The following NALF1 variants were observed in gnomAD, a reference collection of about 807,000 sequenced individuals.
NALF1 encodes family with sequence similarity 155 member A.
In NALF1, 3 loss-of-function variants were observed where a neutral mutation model predicts 48.4. That is an observed-to-expected ratio of 0.06 (90% CI 0.03 to 0.16). The LOEUF (loss-of-function observed/expected upper bound fraction) is 0.16, where lower values mean the gene tolerates loss of function less well. NALF1 is among the 10% of genes least tolerant of loss of function. NALF1 has a pLI of 1.00. For missense variants in NALF1, 526 were observed against 571.5 expected (o/e 0.92, Z 0.81); for synonymous variants, 262 against 245.7 (o/e 1.07, Z -0.62).
intron 2 of NALF1, among the ~76,000 whole-genome samples, chr13:107,200,443 C>T (rs1188348843): frequency 2.0e-5 from 3 of 152,118 alleles, no homozygotes; most frequent in Admixed American, 6.5e-5. Flanking sequence ...ATTAGGACTT[C>T]GAGCGAGGGG....
At chr13:107,587,318 C>A (rs1044259075) in intron 1 of NALF1, among the ~76,000 whole-genome samples, 3 of 152,038 alleles carry the variant, frequency 2.0e-5, no homozygotes, top group Non-Finnish European at 4.4e-5. Context: ...TGAGGCACTG[C>A]CAAAATCATA....
intron 1 of NALF1, among the ~76,000 whole-genome samples, chr13:107,720,148 A>G (rs1191558217): frequency 1.3e-5 from 2 of 152,188 alleles, no homozygotes; most frequent in Non-Finnish European, 2.9e-5. Context: ...CTTGCCACTC[A>G]TTAAACATGT....
At chr13:107,486,745 G>A (rs57174769) in intron 1 of NALF1, among the ~76,000 whole-genome samples, 35,315 of 151,998 alleles carry the variant, frequency 0.23, 4,327 homozygotes, top group East Asian at 0.3. Flanking sequence ...AATGAGTGTG[G>A]CCTCTCTTTG....
intron 1 of NALF1, among the ~76,000 whole-genome samples, chr13:107,604,791 C>T (rs567611241): frequency 2.0e-5 from 3 of 152,160 alleles, no homozygotes; most frequent in South Asian, 2.1e-4. Flanking sequence ...GAAGCTGTGC[C>T]GCAGCCTCAA....
chr13:107,272,230 C>T (rs1479369730), intron 1 of NALF1, among the ~76,000 whole-genome samples: 3 of 8,720 alleles, frequency 3.4e-4, no homozygotes, highest in East Asian at 4.1e-3. Context: ...TTTTTTGAGA[C>T]GGAGTCTCGC....
chr13:107,819,515 GA>G (rs912701705), intron 1 of NALF1, among the ~76,000 whole-genome samples: 5 of 152,136 alleles, frequency 3.3e-5, no homozygotes, highest in Admixed American at 2.0e-4. Context: ...TTGGCCAAAT[GA>G]ATCTTCCACA....
intron 1 of NALF1, among the ~76,000 whole-genome samples, chr13:107,797,064 G>T (rs547212180): frequency 6.6e-6 from 1 of 152,250 alleles, no homozygotes; most frequent in East Asian, 1.9e-4. Context: ...AAAGATCATG[G>T]CCACCAAAAA....
At chr13:107,594,789 A>G (rs1471981189) in intron 1 of NALF1, among the ~76,000 whole-genome samples, 3 of 152,090 alleles carry the variant, frequency 2.0e-5, no homozygotes, top group Non-Finnish European at 4.4e-5. Context: ...TTTTAGAAGG[A>G]TATGTTGAAA....
chr13:107,455,365 T>TA (rs61617320), intron 1 of NALF1, among the ~76,000 whole-genome samples: 1,959 of 151,550 alleles, frequency 0.013, 46 homozygotes, highest in East Asian at 0.11. Flanking sequence ...TTTTGCCTTT[T>TA]AAAAAAAAAT....
chr13:107,834,859 G>T (rs1026104636), intron 1 of NALF1, among the ~76,000 whole-genome samples: 2 of 152,130 alleles, frequency 1.3e-5, no homozygotes, highest in Admixed American at 6.5e-5. Flanking sequence ...CCTCAGAAAG[G>T]TTCCTAAGGA....
chr13:107,231,146 C>T (rs1880215357), intron 1 of NALF1, among the ~76,000 whole-genome samples: 1 of 150,184 alleles, frequency 6.7e-6, no homozygotes, highest in Non-Finnish European at 1.5e-5. Context: ...TATAATTTAC[C>T]AAAGGAAAGT....
At chr13:107,797,922 T>C (rs1878482998) in intron 1 of NALF1, among the ~76,000 whole-genome samples, 1 of 152,202 alleles carries the variant, frequency 6.6e-6, no homozygotes, top group Non-Finnish European at 1.5e-5. Context: ...TTAATATAAA[T>C]GGCCCAAGAT....
intron 1 of NALF1, among the ~76,000 whole-genome samples, chr13:107,242,396 T>C (rs1880489428): frequency 6.6e-6 from 1 of 152,142 alleles, no homozygotes; most frequent in Non-Finnish European, 1.5e-5. Flanking sequence ...GCAGGCGCTG[T>C]CAGGCTGTGA....
chr13:107,761,008 ACTAACAGAC>A (rs1877246318), intron 1 of NALF1, among the ~76,000 whole-genome samples: 1 of 152,186 alleles, frequency 6.6e-6, no homozygotes, highest in Non-Finnish European at 1.5e-5. Context: ...TTGAGTTTTC[ACTAACAGAC>A]TTCTGTCCTC....
intron 1 of NALF1, among the ~76,000 whole-genome samples, chr13:107,753,384 T>C (rs1364199887): frequency 6.6e-6 from 1 of 152,210 alleles, no homozygotes; most frequent in Non-Finnish European, 1.5e-5. Flanking sequence ...TCTTTCTGAC[T>C]CTAAATCACT....
At chr13:107,605,126 C>T (rs1406120475) in intron 1 of NALF1, among the ~76,000 whole-genome samples, 2 of 152,176 alleles carry the variant, frequency 1.3e-5, no homozygotes. Flanking sequence ...CTCTTAGCTG[C>T]TGCAATACCC....
intron 1 of NALF1, among the ~76,000 whole-genome samples, chr13:107,635,056 A>G (rs1298780880): frequency 1.3e-5 from 2 of 152,108 alleles, no homozygotes; most frequent in African/African-American, 4.8e-5. Context: ...AGCAATAATT[A>G]ATATGTTTTG....
intron 1 of NALF1, among the ~76,000 whole-genome samples, chr13:107,525,356 G>T (rs1346768129): frequency 1.3e-5 from 2 of 152,094 alleles, no homozygotes; most frequent in East Asian, 3.9e-4. Context: ...AATAGAAGTG[G>T]AGTCATGCAG....
At chr13:107,686,360 T>C (rs1404909201) in intron 1 of NALF1, among the ~76,000 whole-genome samples, 5 of 146,476 alleles carry the variant, frequency 3.4e-5, no homozygotes, top group Non-Finnish European at 7.5e-5. Flanking sequence ...TTTTAGAAAA[T>C]AGGTCACATT....
Sources: gnomAD v4.1 joint callset for allele counts (sites outside exome capture counted in the v4.1 genomes callset) on GRCh38, gnomAD v4.1.1 for gene constraint, MANE v1.5 for transcripts, NCBI Gene and HGNC (gene_info 2026-07-23, HGNC 2026-07-21) for gene names.